Variants in EPB41L3 observed in about 807,000 individuals in gnomAD.
The protein encoded by EPB41L3 is band 4.1-like protein 3.
EPB41L3 carries 57 observed loss-of-function variants against 127.1 expected under a neutral mutation model. That is an observed-to-expected ratio of 0.45 (90% CI 0.36 to 0.56). EPB41L3 has a LOEUF of 0.56. EPB41L3 is among the 20% of genes least tolerant of loss of function. EPB41L3 has a pLI of 0.00. For synonymous variants in EPB41L3, 572 were observed against 549.5 expected (o/e 1.04, Z -0.57); for missense variants, 1,273 against 1,372.2 (o/e 0.93, Z 1.14).
intron 3 of EPB41L3, among the ~76,000 whole-genome samples, chr18:5,561,077 AC>A (rs2094124868): frequency 1.4e-5 from 2 of 147,388 alleles, no homozygotes; most frequent in Non-Finnish European, 3.0e-5. Context: ...TCCCAGGTTC[AC>A]GCCATTCTCC....
intron 1 of EPB41L3, among the ~76,000 whole-genome samples, chr18:5,538,000 A>C (rs1246335726): frequency 6.6e-6 from 1 of 152,184 alleles, no homozygotes; most frequent in African/African-American, 2.4e-5. Context: ...CATATTTCAT[A>C]AGATTCATGA....
At chr18:5,433,344 C>T in intron 8 of EPB41L3, 125 bp downstream of exon 8, 1 of 674,704 alleles carries the variant, frequency 1.5e-6, no homozygotes, top group Non-Finnish European at 2.5e-6. Context: ...AAAAGACAAG[C>T]AGAGATTTGA....
chr18:5,448,934 A>G (rs1318987868), intron 3 of EPB41L3, among the ~76,000 whole-genome samples: 1 of 152,202 alleles, frequency 6.6e-6, no homozygotes, highest in Admixed American at 6.5e-5. Flanking sequence ...AGCAACTTAA[A>G]CAAGTTTCAT....
intron 1 of EPB41L3, among the ~76,000 whole-genome samples, chr18:5,515,256 A>G (rs2092703717): frequency 1.3e-5 from 2 of 152,192 alleles, no homozygotes; most frequent in African/African-American, 4.8e-5. Context: ...GGTGCTACTG[A>G]GAGTTTTTTT....
chr18:5,583,300 G>A (rs2094412244), intron 3 of EPB41L3, among the ~76,000 whole-genome samples: 2 of 152,128 alleles, frequency 1.3e-5, no homozygotes, highest in South Asian at 4.1e-4. Context: ...CTGCATAGAG[G>A]AAGTCTGGAG....
intron 1 of EPB41L3, among the ~76,000 whole-genome samples, chr18:5,510,379 G>A (rs977357700): frequency 6.6e-6 from 1 of 152,180 alleles, no homozygotes; most frequent in Non-Finnish European, 1.5e-5. Flanking sequence ...CTGGGCTGGA[G>A]TATGGTAGGT....
rs1195514736 is a variant in EPB41L3 at position 5,543,719 on chromosome 18, G to C, written c.-12+194C>G. On this transcript the variant is annotated intron_variant, in intron 1 of 22. Transcript: ENST00000341928. This position sits in a 1 kb window ranked among gnomAD's most constrained non-coding sequence, Gnocchi z 5.2. Reference sequence around the variant, plus strand: ...CAGGCTCGGCCCGGTGGGGGTCCCGGCGAGCGGGAGGGCGGTTGGGGACCC... The same window carrying C: ...CAGGCTCGGCCCGGTGGGGGTCCCGCCGAGCGGGAGGGCGGTTGGGGACCC... Among the ~76,000 whole-genome samples the C allele has an allele frequency of 1.4e-5, 2 of 147,320 alleles. No individual in the cohort carries two copies. Among genetic ancestry groups the C allele is most frequent in the Admixed American group, 6.7e-5 (1 of 14,866 alleles).
At chr18:5,575,343 G>A (rs1219693586) in intron 3 of EPB41L3, among the ~76,000 whole-genome samples, 1 of 152,108 alleles carries the variant, frequency 6.6e-6, no homozygotes, top group Non-Finnish European at 1.5e-5. Context: ...GGTCATGAGG[G>A]TGGATCCCTC....
At chr18:5,564,574 C>T (rs527455951) in intron 3 of EPB41L3, among the ~76,000 whole-genome samples, 50 of 152,246 alleles carry the variant, frequency 3.3e-4, no homozygotes, top group African/African-American at 1.2e-3. Context: ...GGGATCAAGG[C>T]ACAGGCGGAG....
intron 3 of EPB41L3, among the ~76,000 whole-genome samples, chr18:5,597,291 T>C (rs547873476): frequency 2.0e-5 from 3 of 152,306 alleles, no homozygotes; most frequent in African/African-American, 7.2e-5. Flanking sequence ...CTCAGATTTT[T>C]CTAACCCAGA....
chr18:5,489,384 A>C (rs989202616), intron 1 of EPB41L3, 190 bp from the exon 2 acceptor site: 1 of 554,934 alleles, frequency 1.8e-6, no homozygotes, highest in East Asian at 3.5e-5. Context: ...CCCACCAGGC[A>C]CTCAAAACTA....
intron 1 of EPB41L3, among the ~76,000 whole-genome samples, chr18:5,490,565 G>T (rs989059098): frequency 2.0e-5 from 3 of 152,058 alleles, no homozygotes; most frequent in African/African-American, 7.2e-5. Context: ...ATATCAATTT[G>T]GCATGTGCTT....
At chr18:5,621,413 G>C (rs1395206324) in intron 1 of EPB41L3, among the ~76,000 whole-genome samples, 1 of 152,084 alleles carries the variant, frequency 6.6e-6, no homozygotes, top group Admixed American at 6.6e-5. Context: ...AGGAAACATG[G>C]GTTACATTTG....
intron 3 of EPB41L3, among the ~76,000 whole-genome samples, chr18:5,575,749 ATTGC>A (rs2149268925): frequency 6.6e-6 from 1 of 152,278 alleles, no homozygotes; most frequent in South Asian, 2.1e-4. Flanking sequence ...AGGCAGGAGA[ATTGC>A]TTGAACCCAG....
At chr18:5,469,382 A>C (rs1372539749) in intron 3 of EPB41L3, among the ~76,000 whole-genome samples, 2 of 152,160 alleles carry the variant, frequency 1.3e-5, no homozygotes, top group Non-Finnish European at 2.9e-5. Context: ...ATCCAGCCGC[A>C]GGCTTGCCCA....
chr18:5,475,508 T>A (rs1272578706), intron 3 of EPB41L3, among the ~76,000 whole-genome samples: 1 of 152,230 alleles, frequency 6.6e-6, no homozygotes, highest in Admixed American at 6.5e-5. Context: ...TCTGCAAACC[T>A]AACACTATGC....
At chr18:5,473,644 A>G (rs906760370) in intron 3 of EPB41L3, among the ~76,000 whole-genome samples, 2 of 152,046 alleles carry the variant, frequency 1.3e-5, no homozygotes, top group Non-Finnish European at 2.9e-5. Flanking sequence ...AATAAATGAG[A>G]TGAGTGAGAG....
rs1415872935 is a variant in EPB41L3 at position 5,423,561 on chromosome 18, G to C, written c.1164-8C>G. ...GCTTCTGGTAACAGTAGTCTAAAGA[G>C]AATAAAGAAAAACAGCAGAAAGACT... On this transcript the variant is annotated splice_region_variant and splice_polypyrimidine_tract_variant and intron_variant, in intron 10 of 22. Coordinates refer to ENST00000341928, the MANE Select transcript of EPB41L3 (RefSeq NM_012307.5). The C allele has an allele frequency of 6.3e-7, 1 of 1,585,960 alleles. No homozygotes were observed. Among genetic ancestry groups the C allele is most frequent in the East Asian group, 2.3e-5 (1 of 44,244 alleles).
At chr18:5,524,178 TTTG>T (rs1337033714) in intron 1 of EPB41L3, among the ~76,000 whole-genome samples, 1 of 152,036 alleles carries the variant, frequency 6.6e-6, no homozygotes, top group Non-Finnish European at 1.5e-5. Context: ...CATTTTTTTT[TTTG>T]TTGTTGTTGT....
Sources: allele counts gnomAD v4.1 joint callset (sites outside exome capture counted in the v4.1 genomes callset), GRCh38; gene constraint gnomAD v4.1.1; non-coding constraint Gnocchi (gnomAD v3.1); transcripts MANE v1.5; gene names NCBI Gene and HGNC (gene_info 2026-07-23, HGNC 2026-07-21).